CDC42EP2: variants seen among roughly 807,000 people sequenced by gnomAD.
CDC42EP2 encodes the protein CDC42 effector protein (Rho GTPase binding) 2.
In CDC42EP2, 5 loss-of-function variants were observed where a neutral mutation model predicts 7.3. The observed-to-expected ratio is 0.68, with a 90% CI of 0.36 to 1.44. The LOEUF is 1.44. CDC42EP2 is among the 40% of genes most tolerant of loss of function. CDC42EP2 has a pLI of 0.04. For missense variants in CDC42EP2, 251 were observed against 282.6 expected, an observed-to-expected ratio of 0.89 and a Z score of 0.80; for synonymous variants, 113 against 123.6, an observed-to-expected ratio of 0.91 and a Z score of 0.57.
intron 1 of CDC42EP2, among the ~76,000 whole-genome samples, chr11:65,316,475 C>T (rs1024907821): frequency 1.3e-5 from 2 of 152,126 alleles, no homozygotes; most frequent in Admixed American, 1.3e-4. Flanking sequence ...CCACTGTTCC[C>T]AGCCTAGCTG....
chr11:65,317,629 A>G (rs1675901150), intron 1 of CDC42EP2, among the ~76,000 whole-genome samples: 1 of 151,858 alleles, frequency 6.6e-6, no homozygotes, highest in African/African-American at 2.4e-5. Context: ...TACTGGACCA[A>G]TCAGGTCCCA....
Position 65,321,259 on chromosome 11 carries a change from C to A in CDC42EP2, c.361C>A (p.Leu121Met). The A allele has an allele frequency of 6.2e-7, 1 of 1,613,964 alleles. No individual in the cohort carries two copies. The highest frequency in any genetic ancestry group is 8.5e-7 in the Non-Finnish European group (1 of 1,180,010). ...TATCGGTGGACCCCAGGCTCTCACCCTGCCCACAGCCCAGGCTCCACCCAA... is the reference window on the plus strand; with the variant it reads ...TATCGGTGGACCCCAGGCTCTCACCATGCCCACAGCCCAGGCTCCACCCAA... The part of the protein sequence containing the change: ...PVIGGPQALT[L>M]PTAQAPPKPP... The change falls in exon 2 of 2, where the codon CTG becomes ATG. Residue 121 changes from leucine to methionine, a missense_variant. Coordinates refer to ENST00000279249, the MANE Select transcript of CDC42EP2 (RefSeq NM_006779.4). This position sits in a 1 kb window ranked among gnomAD's most constrained non-coding sequence, Gnocchi z 4.4.
chr11:65,315,644 C>G lies in CDC42EP2; in HGVS notation c.-356+690C>G, dbSNP rs978587815. On this transcript the variant is annotated intron_variant, in intron 1 of 1. Transcript: ENST00000279249. This position sits in a 1 kb window ranked among gnomAD's most constrained non-coding sequence, Gnocchi z 4.1. Reference sequence around the variant, plus strand: ...CCATCTGGTACTTGAACGCGCAGCTCCTTGGGGACCGCCTGCCTGGAGCCC... The same window carrying G: ...CCATCTGGTACTTGAACGCGCAGCTGCTTGGGGACCGCCTGCCTGGAGCCC... Among the ~76,000 whole-genome samples the G allele has an allele frequency of 6.6e-6, 1 of 152,266 alleles. No individual in the cohort carries two copies. The highest frequency in any genetic ancestry group is 2.4e-5 in the African/African-American group (1 of 41,472).
At chr11:65,316,616 T>C (rs1949949043) in intron 1 of CDC42EP2, among the ~76,000 whole-genome samples, 1 of 152,160 alleles carries the variant, frequency 6.6e-6, no homozygotes, top group South Asian at 2.1e-4. Flanking sequence ...CAATGTTACT[T>C]AACATCTCTG....
At chr11:65,320,203 A>G (rs1949966958) in intron 1 of CDC42EP2, among the ~76,000 whole-genome samples, 1 of 152,086 alleles carries the variant, frequency 6.6e-6, no homozygotes, top group Non-Finnish European at 1.5e-5. Flanking sequence ...ACGGTGGCTC[A>G]CACCTGTGAT....
At position 65,321,529 on chromosome 11, in the gene CDC42EP2, T is replaced by C. The variant is rs776759106; in HGVS notation, c.631T>C (p.Ter211GlnextTer121). 9 of 1,599,518 alleles carry C rather than the reference T, an allele frequency of 5.6e-6. No homozygotes were observed. The highest frequency in any genetic ancestry group is 5.1e-6 in the Non-Finnish European group (6 of 1,170,014). ...CCTGGACAGCATGCAGATCCCCACA[T>C]AGGACACGAGGCTGCCTAGGCTGGG... ...QDLDSMQIPT[*>Q] The change falls in exon 2 of 2, where the codon TAG becomes CAG. Residue 211 changes from the stop codon to glutamine, a stop_lost. Transcript: ENST00000279249. The surrounding 1 kb of genome is among the most constrained non-coding windows in gnomAD (Gnocchi z 4.4).
At chr11:65,320,237 C>A (rs560218828) in intron 1 of CDC42EP2, among the ~76,000 whole-genome samples, 1 of 152,148 alleles carries the variant, frequency 6.6e-6, no homozygotes, top group South Asian at 2.1e-4. Context: ...GAGGCCGAGG[C>A]GGGCGGATCA....
intron 1 of CDC42EP2, among the ~76,000 whole-genome samples, chr11:65,319,231 C>T (rs1949962690): frequency 2.0e-5 from 3 of 151,062 alleles, no homozygotes; most frequent in Non-Finnish European, 2.9e-5. Flanking sequence ...GGGGTTCAAG[C>T]GATTCTCCTG....
intron 1 of CDC42EP2, among the ~76,000 whole-genome samples, chr11:65,319,471 G>A (rs538318340): frequency 2.0e-5 from 3 of 152,172 alleles, no homozygotes; most frequent in Non-Finnish European, 2.9e-5. Context: ...TAGGGTGGTT[G>A]TGTTGATTAA....
At chr11:65,320,114 C>T (rs1378903021) in intron 1 of CDC42EP2, among the ~76,000 whole-genome samples, 1 of 152,088 alleles carries the variant, frequency 6.6e-6, no homozygotes, top group East Asian at 1.9e-4. Flanking sequence ...GTACAATTCC[C>T]TGCAAGGGGA....
In CDC42EP2 at chr11:65,315,207, G is replaced by T. The variant is rs1949940733; in HGVS notation, c.-356+253G>T. ...CGTTCTGCCCTCCATTTTGTGTCCGGGCCCCCGCCCCCCTCCCGAGACCCA... is the reference window on the plus strand; with the variant it reads ...CGTTCTGCCCTCCATTTTGTGTCCGTGCCCCCGCCCCCCTCCCGAGACCCA... On this transcript the variant is annotated intron_variant, in intron 1 of 1. Transcript: ENST00000279249. This position sits in a 1 kb window ranked among gnomAD's most constrained non-coding sequence, Gnocchi z 4.1. Among the ~76,000 whole-genome samples, 1 of 152,176 alleles carries T rather than the reference G, an allele frequency of 6.6e-6. No individual in the cohort carries two copies. Among genetic ancestry groups the T allele is most frequent in the African/African-American group, 2.4e-5 (1 of 41,450 alleles).
At chr11:65,316,931 G>T in intron 1 of CDC42EP2, 1 of 152,638 alleles carries the variant, frequency 6.6e-6, no homozygotes. Context: ...CGTGTGATGG[G>T]GTTGGGGGTG....
intron 1 of CDC42EP2, among the ~76,000 whole-genome samples, chr11:65,316,393 C>T (rs4149820): frequency 7.2e-5 from 11 of 152,274 alleles, no homozygotes; most frequent in East Asian, 5.8e-4. Flanking sequence ...ATTCTCATAT[C>T]TCTGGACACA....
chr11:65,319,773 C>T (rs887385071), intron 1 of CDC42EP2, among the ~76,000 whole-genome samples: 12 of 152,160 alleles, frequency 7.9e-5, no homozygotes, highest in East Asian at 1.9e-4. Context: ...CAGGCTTGGG[C>T]GGGAGAGACA....
rs1276794689 is a variant in CDC42EP2 at position 65,315,389 on chromosome 11, G to C, written c.-356+435G>C. On this transcript the variant is annotated intron_variant, in intron 1 of 1. Coordinates refer to ENST00000279249, the MANE Select transcript of CDC42EP2 (RefSeq NM_006779.4). This position sits in a 1 kb window ranked among gnomAD's most constrained non-coding sequence, Gnocchi z 4.1. ...CGGGTAGGAGTGGGGAGGGGTCGGC[G>C]CAGGAACCCGAGCCGGAGCTAAGGA... Among the ~76,000 whole-genome samples the C allele has an allele frequency of 2.0e-5, 3 of 152,210 alleles. No homozygotes were observed. Among genetic ancestry groups the C allele is most frequent in the Non-Finnish European group, 4.4e-5 (3 of 68,026 alleles).
chr11:65,319,144 T>G (rs1949962148), intron 1 of CDC42EP2, among the ~76,000 whole-genome samples: 1 of 151,258 alleles, frequency 6.6e-6, no homozygotes, highest in Admixed American at 6.6e-5. Context: ...TTTTTTTTTT[T>G]TTTTGATGGA....
Position 65,321,382 on chromosome 11 carries a change from G to A in CDC42EP2, c.484G>A (p.Gly162Arg). The A allele has an allele frequency of 6.2e-7, 1 of 1,613,780 alleles. No individual in the cohort carries two copies. The highest frequency in any genetic ancestry group is 1.7e-5 in the Admixed American group (1 of 60,016). ...TCCAGAGACTGGCTCCCCCAACAGT[G>A]GACTGACCCCGGAGTCAGGGGCCGA... Reference protein sequence around the residue: ...RIPETGSPNSGLTPESGAEEP... With the variant: ...RIPETGSPNSRLTPESGAEEP... Residue 162 changes from glycine to arginine, a missense_variant, in exon 2 of 2, where the codon GGA becomes AGA. Gly to Arg is a moderately radical substitution (Grantham distance 125). Transcript: ENST00000279249. This position sits in a 1 kb window ranked among gnomAD's most constrained non-coding sequence, Gnocchi z 4.4.
chr11:65,320,808 C>T lies in CDC42EP2; in HGVS notation c.-91C>T, dbSNP rs376544371. The T allele has an allele frequency of 6.5e-6, 9 of 1,391,234 alleles. No homozygotes were observed. Among genetic ancestry groups the T allele is most frequent in the Admixed American group, 4.6e-5 (2 of 43,136 alleles). The allele number at this position is 1,391,234 out of a possible 1,614,324, so 86.2% of individuals were successfully genotyped here. ...GGCACCTGCAAACCACCCCGTGGAA[C>T]GAGTGTTTCCTCTGGCTGAGGGTTG... On this transcript the variant is annotated 5_prime_UTR_variant, in exon 2 of 2. It adds an upstream start codon to the 5' untranslated region. Coordinates refer to ENST00000279249, the MANE Select transcript of CDC42EP2 (RefSeq NM_006779.4).
rs1186857938 is a variant in CDC42EP2, at chr11:65,321,589, G to A, written c.*58G>A. The stretch of plus-strand genomic sequence containing the variant: ...GGGGCCCAGCCAGGAGGTGGGGTGT[G>A]GACCCGGCCCTGGCGGCGGAGTCAG... On this transcript the variant is annotated 3_prime_UTR_variant, in exon 2 of 2. Transcript: ENST00000279249. The surrounding 1 kb of genome is among the most constrained non-coding windows in gnomAD (Gnocchi z 4.4). The A allele has an allele frequency of 1.3e-6, 2 of 1,503,776 alleles. No homozygotes were observed. Among genetic ancestry groups the A allele is most frequent in the Non-Finnish European group, 1.8e-6 (2 of 1,114,058 alleles). 93.2% of individuals were successfully genotyped at this position (1,503,776 alleles called of 1,614,324 possible). A position where few individuals can be genotyped will look rare whatever the true frequency, so the allele number is the denominator to read the frequency against.
Sources: allele counts gnomAD v4.1 joint callset (sites outside exome capture counted in the v4.1 genomes callset), GRCh38; gene constraint gnomAD v4.1.1; non-coding constraint Gnocchi (gnomAD v3.1); transcripts MANE v1.5; gene names NCBI Gene and HGNC (gene_info 2026-07-23, HGNC 2026-07-21).